The following SHKBP1 variants were observed in gnomAD, a reference collection of about 807,000 sequenced individuals.
The protein encoded by SHKBP1 is SH3KBP1-binding protein 1.
Under a neutral mutation model 83.9 loss-of-function variants are expected in SHKBP1, and 71 were observed. The observed-to-expected ratio is 0.85, with a 90% CI of 0.70 to 1.03. The LOEUF (loss-of-function observed/expected upper bound fraction) is 1.03. Ranked by LOEUF, SHKBP1 falls within the 50% of genes least tolerant of loss-of-function variation. The pLI, the probability that SHKBP1 is intolerant of heterozygous loss-of-function variation, is 0.00. For missense variants in SHKBP1, 824 were observed against 982.4 expected (o/e 0.84, Z 2.16); for synonymous variants, 371 against 398.0 (o/e 0.93, Z 0.81).
Position 40,590,523 on chromosome 19 carries a change from T to A in SHKBP1, c.1768+101T>A, listed in dbSNP as rs746237665. On this transcript the variant is annotated intron_variant, in intron 16 of 17. Coordinates refer to ENST00000291842, the MANE Select transcript of SHKBP1 (RefSeq NM_138392.4). This position sits in a 1 kb window ranked among gnomAD's most constrained non-coding sequence, Gnocchi z 4.6. ...TGATCTCTCTCCCAGGCCCTTGCCC[T>A]CTGACCCCTTTTCCTTTGACCCCCT... is the stretch of plus-strand genomic sequence containing the variant. The A allele has an allele frequency of 7.1e-7, 1 of 1,399,120 alleles. No individual in the cohort carries two copies. 86.7% of individuals were successfully genotyped at this position (1,399,120 alleles called of 1,614,324 possible).
chr19:40,587,491 C>T (rs2081321954), intron 13 of SHKBP1, among the ~76,000 whole-genome samples: 2 of 152,024 alleles, frequency 1.3e-5, no homozygotes, highest in African/African-American at 2.4e-5. Flanking sequence ...CTCGGGAGGC[C>T]GAGGGAGGAG....
intron 10 of SHKBP1, among the ~76,000 whole-genome samples, chr19:40,583,155 A>T (rs1340431426): frequency 5.3e-5 from 8 of 152,158 alleles, no homozygotes; most frequent in Non-Finnish European, 7.3e-5. Flanking sequence ...CAAAAAATTT[A>T]AAAAATTAAA....
Position 40,578,178 on chromosome 19 carries a change from C to T in SHKBP1, c.285C>T (p.Leu95=). 3.7e-6 allele frequency: 6 copies of T among 1,614,186 alleles called. No individual in the cohort carries two copies. The highest frequency in any genetic ancestry group is 4.2e-6 in the Non-Finnish European group (5 of 1,180,014). The change falls in exon 5 of 18, where the codon CTC becomes CTT. Residue 95 remains leucine, a synonymous_variant. Coordinates refer to ENST00000291842, the MANE Select transcript of SHKBP1 (RefSeq NM_138392.4). The part of the protein sequence containing the change: ...DPRGVHGSSL[L]HEAQFYGLTP... ...GGGGTGTCCACGGTTCCAGCCTCCT[C>T]CATGAAGCCCAGTTCTATGGGCTCA... is the stretch of plus-strand genomic sequence containing the variant.
At chr19:40,577,117 TG>T in intron 1 of SHKBP1, 113 bp from the exon 2 acceptor site, 2 of 1,423,292 alleles carry the variant, frequency 1.4e-6, no homozygotes, top group Non-Finnish European at 1.9e-6. Context: ...CGCGAGATTC[TG>T]GAAAAACGCC....
At chr19:40,577,745 C>T in intron 4 of SHKBP1, 115 bp downstream of exon 4, 2 of 1,351,166 alleles carry the variant, frequency 1.5e-6, no homozygotes, top group South Asian at 2.3e-5. Flanking sequence ...CATTCAGAAC[C>T]TTGATCACAG....
At chr19:40,586,614 G>A (rs1013026642) in intron 12 of SHKBP1, 160 bp from the exon 13 acceptor site, 18 of 620,724 alleles carry the variant, frequency 2.9e-5, no homozygotes, top group Non-Finnish European at 4.1e-5. Flanking sequence ...CGATCCACCC[G>A]CCTCAGCTTC....
At chr19:40,585,691 G>T (rs962442402) in intron 12 of SHKBP1, 7 of 151,384 alleles carry the variant, frequency 4.6e-5, no homozygotes, top group African/African-American at 1.7e-4. Context: ...GGGATTACGG[G>T]TGCCTGCCAC....
rs548222587 is a variant in SHKBP1, at chr19:40,590,907, G to A, written c.1892+54G>A. 7.6e-6 allele frequency: 12 copies of A among 1,568,964 alleles called. No individual in the cohort carries two copies. The East Asian group carries it at 1.6e-4, about 21-fold the overall frequency. On this transcript the variant is annotated intron_variant, in intron 17 of 17. Coordinates refer to ENST00000291842, the MANE Select transcript of SHKBP1 (RefSeq NM_138392.4). The surrounding 1 kb of genome is among the most constrained non-coding windows in gnomAD (Gnocchi z 4.6). ...GCAATGAGGGGAGAGGGGACAGCAT[G>A]GTGTTCCCGGGGACAGAGTGGCCCA...
intron 12 of SHKBP1, chr19:40,585,619 C>G (rs2081306086): frequency 6.7e-6 from 1 of 150,346 alleles, no homozygotes; most frequent in East Asian, 2.0e-4. Flanking sequence ...GCAATCTCAG[C>G]TCACTACAAC....
At chr19:40,577,852 G>T in intron 4 of SHKBP1, 1 of 632,344 alleles carries the variant, frequency 1.6e-6, no homozygotes, top group South Asian at 1.9e-5. Flanking sequence ...GACTAGCCTG[G>T]GCAACATAGC....
chr19:40,586,642 C>T (rs963018726), intron 12 of SHKBP1, 132 bp from the exon 13 acceptor site: 17 of 896,402 alleles, frequency 1.9e-5, no homozygotes, highest in Admixed American at 1.4e-4. Context: ...GATGGGATTA[C>T]GGCGTGAGCC....
chr19:40,583,577 C>T, intron 11 of SHKBP1, 24 bp from the exon 12 acceptor site: 1 of 1,611,466 alleles, frequency 6.2e-7, no homozygotes, highest in Non-Finnish European at 8.5e-7. Context: ...AACAAACCCG[C>T]TCCACCCTCC....
Position 40,591,029 on chromosome 19 carries a change from G to GC in SHKBP1, c.1952dup (p.Gln652AlafsTer3), listed in dbSNP as rs752205001. 3 of 1,612,542 alleles carry GC rather than the reference G, an allele frequency of 1.9e-6. No homozygotes were observed. Among genetic ancestry groups the GC allele is most frequent in the East Asian group, 2.2e-5 (1 of 44,816 alleles). ...TTGTCTGGCCACCGTGGGAGCCCAA[G>GC]CCCCCCGCAGGCTGAGGCCCGGCGC... On this transcript the variant is annotated frameshift_variant, in exon 18 of 18. Transcript: ENST00000291842. LOFTEE classifies it high-confidence loss of function.
Position 40,580,666 on chromosome 19 carries a change from G to A in SHKBP1, c.653+10G>A, listed in dbSNP as rs1293854649. On this transcript the variant is annotated intron_variant, in intron 8 of 17. Coordinates refer to ENST00000291842, the MANE Select transcript of SHKBP1 (RefSeq NM_138392.4). Reference sequence around the variant, plus strand: ...TTCTAGTCTGCTACAGGTGCTTGGGGAGGGAGTGGCAGGAGGTCCCAGCCC... The same window carrying A: ...TTCTAGTCTGCTACAGGTGCTTGGGAAGGGAGTGGCAGGAGGTCCCAGCCC... 6.2e-7 allele frequency: 1 copy of A among 1,614,170 alleles called. No homozygotes were observed. Among genetic ancestry groups the A allele is most frequent in the Admixed American group, 1.7e-5 (1 of 60,008 alleles).
intron 13 of SHKBP1, 45 bp downstream of exon 13, chr19:40,586,989 A>G: frequency 6.6e-7 from 1 of 1,523,688 alleles, no homozygotes; most frequent in East Asian, 2.3e-5. Context: ...GACAGCTCAG[A>G]TGGGAGTGTG....
intron 4 of SHKBP1, 128 bp downstream of exon 4, chr19:40,577,758 C>A: frequency 8.4e-7 from 1 of 1,192,770 alleles, no homozygotes; most frequent in Non-Finnish European, 1.2e-6. Flanking sequence ...GATCACAGGC[C>A]GGGCGCGCCG....
chr19:40,584,270 G>T (rs1042769167), intron 12 of SHKBP1, among the ~76,000 whole-genome samples: 24 of 150,762 alleles, frequency 1.6e-4, no homozygotes, highest in African/African-American at 4.8e-4. Flanking sequence ...GTTAATCTTT[G>T]TGTTTCTTTC....
intron 15 of SHKBP1, among the ~76,000 whole-genome samples, chr19:40,589,704 A>C (rs930810454): frequency 1.3e-5 from 2 of 151,684 alleles, no homozygotes; most frequent in Admixed American, 6.6e-5. Context: ...GAGCAGAAGA[A>C]AGAAGGCAGG....
intron 1 of SHKBP1, 102 bp from the exon 2 acceptor site, chr19:40,577,128 CG>C (rs2145972973): frequency 1.4e-6 from 2 of 1,469,968 alleles, no homozygotes; most frequent in Non-Finnish European, 1.9e-6. Flanking sequence ...GGAAAAACGC[CG>C]GGGGAGGGGG....
Sources: gnomAD v4.1 joint callset for allele counts (sites outside exome capture counted in the v4.1 genomes callset) on GRCh38, gnomAD v4.1.1 for gene constraint, Gnocchi (gnomAD v3.1) non-coding constraint, MANE v1.5 for transcripts, NCBI Gene and HGNC (gene_info 2026-07-23, HGNC 2026-07-21) for gene names.